Variants in TMEM132D observed in about 807,000 individuals in gnomAD.
TMEM132D encodes the protein mature OL transmembrane protein.
A neutral mutation model predicts 62.3 loss-of-function variants in TMEM132D; 21 were observed. The ratio of observed to expected loss-of-function variants is 0.34; its 90% confidence interval spans 0.24 to 0.49. The LOEUF is 0.49. Ranked by LOEUF, TMEM132D falls within the 20% of genes least tolerant of loss-of-function variation. The probability of loss-of-function intolerance (pLI) is 0.99; values close to 1 mark genes in which losing one functional copy is unlikely to be tolerated. For synonymous variants in TMEM132D, 621 were observed against 575.6 expected (o/e 1.08, Z -1.13); for missense variants, 1,346 against 1,402.8 (o/e 0.96, Z 0.65).
chr12:129,758,850 A>T (rs532033941), intron 1 of TMEM132D, among the ~76,000 whole-genome samples: 1 of 152,264 alleles, frequency 6.6e-6, no homozygotes, highest in South Asian at 2.1e-4. Context: ...TATTGAGGTG[A>T]TCTAGTAATT....
intron 3 of TMEM132D, among the ~76,000 whole-genome samples, chr12:129,352,654 G>GA (rs1392202328): frequency 1.3e-5 from 2 of 152,026 alleles, no homozygotes; most frequent in East Asian, 3.9e-4. Context: ...ACAAACATAT[G>GA]AAAAAAAGCT....
chr12:129,846,292 C>G (rs1376897740), intron 1 of TMEM132D, among the ~76,000 whole-genome samples: 1 of 152,160 alleles, frequency 6.6e-6, no homozygotes, highest in East Asian at 1.9e-4. Context: ...GGTTTTCCTT[C>G]TATTTGAAAA....
rs556454407 is a variant in TMEM132D at position 129,895,195 on chromosome 12, C to T, written c.79+8066G>A. The stretch of plus-strand genomic sequence containing the variant: ...ATAGCACCCCCCAGGTACACGTCAC[C>T]GTTGTGTGGACAACAGTGCTGGGGT... On this transcript the variant is annotated intron_variant, in intron 1 of 8. Transcript: ENST00000422113. Among the ~76,000 whole-genome samples the T allele has an allele frequency of 1.6e-4, 25 of 152,086 alleles. 1 individual carries two copies. Among genetic ancestry groups the T allele is most frequent in the South Asian group, 1.4e-3 (7 of 4,834 alleles).
At chr12:129,633,064 A>AT (rs1038892019) in intron 2 of TMEM132D, among the ~76,000 whole-genome samples, 3 of 152,142 alleles carry the variant, frequency 2.0e-5, no homozygotes, top group African/African-American at 7.2e-5. Context: ...AATACAACTA[A>AT]TTTTTTTATC....
chr12:129,173,895 C>T (rs1877819254), intron 5 of TMEM132D, among the ~76,000 whole-genome samples: 1 of 152,146 alleles, frequency 6.6e-6, no homozygotes, highest in Middle Eastern at 3.4e-3. Flanking sequence ...ATCTGTAATC[C>T]TTTTTCAGGG....
At chr12:129,108,659 T>C (rs546297711) in intron 5 of TMEM132D, among the ~76,000 whole-genome samples, 4 of 152,326 alleles carry the variant, frequency 2.6e-5, no homozygotes, top group African/African-American at 7.2e-5. Flanking sequence ...CTGGCTCTTA[T>C]ATAGACACAC....
intron 5 of TMEM132D, among the ~76,000 whole-genome samples, chr12:129,093,422 C>T (rs1874996441): frequency 6.6e-6 from 1 of 152,056 alleles, no homozygotes; most frequent in Non-Finnish European, 1.5e-5. Context: ...CATGAGTGAA[C>T]TCCCATTCAC....
At chr12:129,619,974 C>T (rs1360108410) in intron 2 of TMEM132D, among the ~76,000 whole-genome samples, 4 of 152,196 alleles carry the variant, frequency 2.6e-5, no homozygotes, top group Admixed American at 6.5e-5. Context: ...ACCCTAACCA[C>T]GGCCCAAAGC....
chr12:129,499,821 C>G (rs1481256869), intron 3 of TMEM132D, among the ~76,000 whole-genome samples: 1 of 152,164 alleles, frequency 6.6e-6, no homozygotes, highest in Non-Finnish European at 1.5e-5. Context: ...GTTATCCTGG[C>G]CTTGAGGGTT....
chr12:129,147,303 T>TAC (rs1876939488), intron 5 of TMEM132D, among the ~76,000 whole-genome samples: 1 of 150,132 alleles, frequency 6.7e-6, no homozygotes, highest in Non-Finnish European at 1.5e-5. Flanking sequence ...TGTATATATA[T>TAC]ACATATGTGT....
At chr12:129,351,177 C>T (rs746053510) in intron 3 of TMEM132D, among the ~76,000 whole-genome samples, 4 of 152,158 alleles carry the variant, frequency 2.6e-5, no homozygotes, top group African/African-American at 9.7e-5. Flanking sequence ...CCATACTTAC[C>T]TTATAACTGG....
rs1309828892 is a variant in TMEM132D at position 129,531,151 on chromosome 12, G to A, written c.1023C>T (p.Ser341=). ...CCGTGCGCTCCTTGACATCCCAAATGGAAGGGCTGCTGGCTCGCACGCCGA... is the reference window on the plus strand; with the variant it reads ...CCGTGCGCTCCTTGACATCCCAAATAGAAGGGCTGCTGGCTCGCACGCCGA... ...NIIGVRASSP[S]IWDVKERTDY... is the part of the protein sequence containing the mutation. The change falls in exon 3 of 9, where the codon TCC becomes TCT. Residue 341 remains serine, a synonymous_variant. Transcript: ENST00000422113. The A allele has an allele frequency of 6.2e-7, 1 of 1,613,880 alleles. No individual in the cohort carries two copies. Among genetic ancestry groups the A allele is most frequent in the Non-Finnish European group, 8.5e-7 (1 of 1,179,928 alleles).
chr12:129,506,656 A>G (rs142404465), intron 3 of TMEM132D, among the ~76,000 whole-genome samples: 238 of 152,352 alleles, frequency 1.6e-3, no homozygotes, highest in African/African-American at 5.3e-3. Context: ...GGCAAGCCAC[A>G]TGTAGGAGAA....
At chr12:129,752,496 C>G (rs920185829) in intron 1 of TMEM132D, among the ~76,000 whole-genome samples, 1 of 152,200 alleles carries the variant, frequency 6.6e-6, no homozygotes, top group Non-Finnish European at 1.5e-5. Flanking sequence ...TCCACATGAG[C>G]TCTGTCAAAG....
chr12:129,074,422 A>G lies in TMEM132D; in HGVS notation c.2753T>C (p.Ile918Thr), dbSNP rs1401283585. ...QASKGLSDLEIGMYALLGVFC... is the reference protein window; with the variant it reads ...QASKGLSDLETGMYALLGVFC... ...GACTCCCAACAAAGCATACATCCCA[A>G]TTTCTAAGTCGCTCAGCCCTTTGGA... Residue 918 changes from isoleucine (I) to threonine (T), a missense_variant, in exon 9 of 9, where the codon ATT (isoleucine) becomes ACT (threonine). By Grantham distance (89) the Ile-to-Thr change is moderately conservative. Transcript: ENST00000422113. 10 of 1,613,928 alleles carry G rather than the reference A, an allele frequency of 6.2e-6. No homozygotes were observed. The highest frequency in any genetic ancestry group is 5.5e-5 in the South Asian group (5 of 91,078).
intron 1 of TMEM132D, among the ~76,000 whole-genome samples, chr12:129,866,018 T>C (rs2137372498): frequency 6.6e-6 from 1 of 152,294 alleles, no homozygotes; most frequent in East Asian, 1.9e-4. Context: ...TGTTTTGGTT[T>C]GGTTTTCCTC....
chr12:129,322,944 C>G (rs1201063555), intron 4 of TMEM132D, among the ~76,000 whole-genome samples: 1 of 152,134 alleles, frequency 6.6e-6, no homozygotes, highest in African/African-American at 2.4e-5. Context: ...ATTATACTTG[C>G]ATATAACTGC....
At chr12:129,405,757 A>C (rs1186260619) in intron 3 of TMEM132D, among the ~76,000 whole-genome samples, 2 of 152,192 alleles carry the variant, frequency 1.3e-5, no homozygotes, top group African/African-American at 4.8e-5. Context: ...GGAGGATTTC[A>C]TAAGGAAGAC....
chr12:129,181,221 G>C (rs925975756), intron 5 of TMEM132D, among the ~76,000 whole-genome samples: 1 of 152,112 alleles, frequency 6.6e-6, no homozygotes, highest in African/African-American at 2.4e-5. Context: ...TGTCTCCTGA[G>C]CCAGGCTTCT....
Sources: gnomAD v4.1 joint callset for allele counts (sites outside exome capture counted in the v4.1 genomes callset) on GRCh38, gnomAD v4.1.1 for gene constraint, MANE v1.5 for transcripts, NCBI Gene and HGNC (gene_info 2026-07-23, HGNC 2026-07-21) for gene names.